Variants in TAB2 observed in about 807,000 individuals in gnomAD.
TAB2 encodes the protein TGF-beta activated kinase 1 (MAP3K7) binding protein 2, also known as TGF-beta-activated kinase 1 and MAP3K7-binding protein 2.
A neutral mutation model predicts 65.0 loss-of-function variants in TAB2; 3 were observed. The observed-to-expected ratio is 0.05, with a 90% confidence interval of 0.02 to 0.12. The LOEUF (loss-of-function observed/expected upper bound fraction) is 0.12. Among genes scored for constraint, TAB2 ranks in the 10% least tolerant of loss-of-function variants. TAB2 has a pLI of 1.00. For synonymous variants in TAB2, 298 were observed against 285.1 expected (o/e 1.05, Z -0.46); for missense variants, 623 against 840.3 (o/e 0.74, Z 3.20).
At chr6:149,351,726 A>G (rs1188066499) in intron 1 of TAB2, among the ~76,000 whole-genome samples, 1 of 152,206 alleles carries the variant, frequency 6.6e-6, no homozygotes, top group Non-Finnish European at 1.5e-5. Context: ...TAAACTTCAT[A>G]AACGAACCCA....
At chr6:149,334,227 C>G (rs1421958142) in intron 1 of TAB2, among the ~76,000 whole-genome samples, 1 of 152,188 alleles carries the variant, frequency 6.6e-6, no homozygotes, top group Non-Finnish European at 1.5e-5. Flanking sequence ...GGTCTCCTCT[C>G]TCTTACCTTT....
intron 3 of TAB2, among the ~76,000 whole-genome samples, chr6:149,381,607 T>C (rs951947150): frequency 5.1e-5 from 7 of 137,424 alleles, no homozygotes; most frequent in Non-Finnish European, 1.1e-4. Flanking sequence ...AGGGTCTCGC[T>C]CTTTCGTCCA....
At chr6:149,405,442 A>G (rs1296196513) in intron 6 of TAB2, among the ~76,000 whole-genome samples, 2 of 152,226 alleles carry the variant, frequency 1.3e-5, no homozygotes, top group African/African-American at 4.8e-5. Context: ...TCTCAAAGAG[A>G]TATCTGCACT....
chr6:149,230,282 A>G (rs1171723496), intron 1 of TAB2: 2 of 152,216 alleles, frequency 1.3e-5, no homozygotes, highest in Non-Finnish European at 2.9e-5. Context: ...CCCCATCTAT[A>G]TGCTAGTCAG....
At chr6:149,277,703 G>C (rs1005562498) in intron 1 of TAB2, among the ~76,000 whole-genome samples, 4 of 152,248 alleles carry the variant, frequency 2.6e-5, no homozygotes, top group African/African-American at 7.2e-5. Context: ...TCTACCTTGT[G>C]AGAAGTGGAA....
upstream of TAB2, among the ~76,000 whole-genome samples, chr6:149,315,550 T>A (rs1779234036): frequency 1.3e-5 from 2 of 152,234 alleles, no homozygotes; most frequent in Non-Finnish European, 2.9e-5. Flanking sequence ...TTCTTTAATC[T>A]ACAGCCCATA....
chr6:149,287,531 G>T (rs1325831654), intron 1 of TAB2, among the ~76,000 whole-genome samples: 1 of 150,290 alleles, frequency 6.7e-6, no homozygotes, highest in African/African-American at 2.5e-5. Context: ...TTTTTCAAAT[G>T]GTCAATGAAT....
chr6:149,286,008 G>A (rs558872474), intron 1 of TAB2, among the ~76,000 whole-genome samples: 1 of 151,910 alleles, frequency 6.6e-6, no homozygotes, highest in Non-Finnish European at 1.5e-5. Flanking sequence ...TTATTTCCAG[G>A]GAAAGAAAAG....
intron 1 of TAB2, among the ~76,000 whole-genome samples, chr6:149,223,659 G>C (rs1316586825): frequency 6.6e-6 from 1 of 152,182 alleles, no homozygotes; most frequent in Non-Finnish European, 1.5e-5. Context: ...TACCGTTTTA[G>C]AGAGTTCTCA....
chr6:149,271,918 T>C (rs1477307973), intron 1 of TAB2, among the ~76,000 whole-genome samples: 1 of 152,044 alleles, frequency 6.6e-6, no homozygotes, highest in Non-Finnish European at 1.5e-5. Context: ...TTAAGTGGCC[T>C]CACACTCTGA....
At chr6:149,293,145 AT>A (rs1324726101) in intron 1 of TAB2, among the ~76,000 whole-genome samples, 3 of 152,216 alleles carry the variant, frequency 2.0e-5, no homozygotes, top group Admixed American at 2.0e-4. Flanking sequence ...ATGGCAATAC[AT>A]TAGAAAACTT....
chr6:149,399,104 G>A lies in TAB2; in HGVS notation c.1859G>A (p.Gly620Glu). The A allele has an allele frequency of 6.2e-7, 1 of 1,612,424 alleles. No homozygotes were observed. The highest frequency in any genetic ancestry group is 1.1e-5 in the South Asian group (1 of 90,982). The part of the protein sequence containing the change: ...TKEIDLFQAR[G>E]PHFNPSAIHN... ...TATATTTACTTTTTATATATTTCAGGACCACATTTTAACCCCAGCGCTATT... is the reference window on the plus strand; with the variant it reads ...TATATTTACTTTTTATATATTTCAGAACCACATTTTAACCCCAGCGCTATT... Residue 620 changes from glycine to glutamate, a missense_variant and splice_region_variant, in exon 6 of 7, where the codon GGA becomes GAA. Around this residue, in one of 3 missense-constraint regions of TAB2, gnomAD observed 56 missense variants for 130.3 expected, o/e 0.43. Transcript: ENST00000637181.
intron 1 of TAB2, among the ~76,000 whole-genome samples, chr6:149,253,631 A>AG: frequency 6.8e-6 from 1 of 147,928 alleles, no homozygotes; most frequent in African/African-American, 2.5e-5. Context: ...AAAAAAAAAA[A>AG]AAAAAAAGAA....
intron 1 of TAB2, among the ~76,000 whole-genome samples, chr6:149,352,659 TTACTG>T (rs1482849546): frequency 2.0e-5 from 3 of 152,228 alleles, no homozygotes; most frequent in African/African-American, 7.2e-5. Context: ...TGCCTTTCAT[TTACTG>T]TGTTATCAAC....
At position 149,378,980 on chromosome 6, in the gene TAB2, C is replaced by G. The variant is rs374038283; in HGVS notation, c.1065C>G (p.Val355=). The change falls in exon 3 of 7, where the codon GTC becomes GTG. Residue 355 remains valine (V), a synonymous_variant. Coordinates refer to ENST00000637181, the MANE Select transcript of TAB2 (RefSeq NM_001292034.3). ...GAACCTCCAGCACTTCCTCTTCAGTCAATAGCCAGACCTTAAACAGAAATC... is the reference window on the plus strand; with the variant it reads ...GAACCTCCAGCACTTCCTCTTCAGTGAATAGCCAGACCTTAAACAGAAATC... ...GPRTSSTSSS[V]NSQTLNRNQP... 13 of 1,614,094 alleles carry G rather than the reference C, an allele frequency of 8.1e-6. No homozygotes were observed. In the African/African-American group the frequency reaches 1.7e-4, roughly 22 times the overall value.
rs567434630 is a variant in TAB2 at position 149,227,283 on chromosome 6, T to C, written c.-121+8507T>C. ...TGTCAAGGTCATTTTTTAATTACAA[T>C]CTTCTCTTTGCTCCAGTAAAATTTA... On this transcript the variant is annotated intron_variant, in intron 1 of 1. Coordinates refer to the TAB2 transcript ENST00000606202. 2.0e-5 allele frequency among the ~76,000 whole-genome samples: 3 copies of C among 152,300 alleles called. No individual in the cohort carries two copies. The East Asian group carries it at 5.8e-4, about 29-fold the overall frequency.
At chr6:149,369,857 A>G (rs1781161270) in intron 1 of TAB2, 52 bp from the exon 2 acceptor site, 3 of 694,270 alleles carry the variant, frequency 4.3e-6, no homozygotes, top group African/African-American at 1.8e-5. Context: ...ATCCACAACA[A>G]TATTCCTTCT....
intron 1 of TAB2, among the ~76,000 whole-genome samples, chr6:149,329,498 A>C (rs1319452193): frequency 1.4e-4 from 21 of 152,172 alleles, no homozygotes; most frequent in Admixed American, 1.1e-3. Flanking sequence ...TGGAGGGAGA[A>C]AGAGGAAGAC....
At chr6:149,359,721 A>G (rs1012201046) in intron 1 of TAB2, among the ~76,000 whole-genome samples, 2 of 152,172 alleles carry the variant, frequency 1.3e-5, no homozygotes, top group Admixed American at 6.5e-5. Context: ...TAACTTAAAC[A>G]CTTATTATAG....
Sources: allele counts gnomAD v4.1 joint callset (sites outside exome capture counted in the v4.1 genomes callset), GRCh38; gene constraint gnomAD v4.1.1; regional missense constraint gnomAD v4.1.1; transcripts MANE v1.5; gene names NCBI Gene and HGNC (gene_info 2026-07-23, HGNC 2026-07-21).